Variants in ANKRD18A observed in about 807,000 individuals in gnomAD.
ANKRD18A encodes ankyrin repeat domain-containing protein 18A.
In ANKRD18A, 72 loss-of-function variants were observed where a neutral mutation model predicts 110.6. The observed-to-expected ratio is 0.65, with a 90% CI of 0.54 to 0.79. The LOEUF (loss-of-function observed/expected upper bound fraction) is 0.79, where lower values mean the gene tolerates loss of function less well. Ranked by LOEUF, ANKRD18A falls within the 30% of genes least tolerant of loss-of-function variation. The pLI, the probability that ANKRD18A is intolerant of heterozygous loss-of-function variation, is 0.00. For missense variants in ANKRD18A, 934 were observed against 1,163.3 expected (o/e 0.80, Z 2.87); for synonymous variants, 305 against 410.3 (o/e 0.74, Z 3.10).
chr9:38,578,254 T>G (rs775285796), intron 12 of ANKRD18A, 106 bp from the exon 13 acceptor site: 2 of 1,108,198 alleles, frequency 1.8e-6, no homozygotes, highest in Non-Finnish European at 2.5e-6. Flanking sequence ...TAAAATGTTA[T>G]CTATAATGTA....
Position 38,571,762 on chromosome 9 carries a change from T to C in ANKRD18A, c.*283A>G. 2 of 1,093,928 alleles carry C rather than the reference T, an allele frequency of 1.8e-6. No homozygotes were observed. The highest frequency in any genetic ancestry group is 2.2e-6 in the Non-Finnish European group (2 of 898,902). The allele number at this position is 1,093,928 out of a possible 1,614,324, so 67.8% of individuals were successfully genotyped here. A position where few individuals can be genotyped will look rare whatever the true frequency, so the allele number is the denominator to read the frequency against. On this transcript the variant is annotated 3_prime_UTR_variant, in exon 16 of 16. Transcript: ENST00000399703. ...TAGGCCAAACTCAATAACGCTGGTG[T>C]TCATTTGCAAGATCCACTTAAAACT...
chr9:38,587,007 G>T (rs1824415393), intron 11 of ANKRD18A, among the ~76,000 whole-genome samples: 1 of 151,448 alleles, frequency 6.6e-6, no homozygotes, highest in Non-Finnish European at 1.5e-5. Context: ...GTTTGAAAAA[G>T]ACACAAAAAT....
In ANKRD18A at chr9:38,595,843, T is replaced by C; in HGVS notation, c.1497A>G (p.Glu499=). The C allele has an allele frequency of 6.4e-7, 1 of 1,551,284 alleles. No homozygotes were observed. Among genetic ancestry groups the C allele is most frequent in the Non-Finnish European group, 8.7e-7 (1 of 1,146,696 alleles). Residue 499 remains glutamate (E), a synonymous_variant, in exon 9 of 16, where the codon GAA becomes GAG. Coordinates refer to ENST00000399703, the MANE Select transcript of ANKRD18A (RefSeq NM_147195.4). ...GTACACTTCCTAAAGCCAATGTCTT[T>C]TCCCTGAGAGCATCTCTTGTCTCAC... The part of the protein sequence containing the change: ...KLRETRDALR[E]KTLALGSVQL...
At chr9:38,618,022 C>T (rs962451264) in intron 1 of ANKRD18A, among the ~76,000 whole-genome samples, 6 of 151,962 alleles carry the variant, frequency 3.9e-5, no homozygotes, top group South Asian at 2.1e-4. Context: ...AACATATATA[C>T]ATAATAAAGT....
At chr9:38,571,263 C>G (rs928009762), downstream of ANKRD18A, 3 of 1,453,156 alleles carry the variant, frequency 2.1e-6, no homozygotes, top group African/African-American at 1.4e-5. Context: ...AAAGTGCTGA[C>G]AGAATAATGG....
intron 12 of ANKRD18A, among the ~76,000 whole-genome samples, chr9:38,579,063 G>A (rs2996336): frequency 0.011 from 1,709 of 152,180 alleles, 33 homozygotes; most frequent in African/African-American, 0.039. Flanking sequence ...ACTTATTTTG[G>A]AATAAGGTGC....
intron 1 of ANKRD18A, among the ~76,000 whole-genome samples, chr9:38,616,753 C>T (rs1202696065): frequency 6.6e-6 from 1 of 152,020 alleles, no homozygotes; most frequent in South Asian, 2.1e-4. Flanking sequence ...ATGCACTCAG[C>T]CAGATGTTAT....
intron 15 of ANKRD18A, chr9:38,573,235 G>T: frequency 1.9e-6 from 1 of 524,046 alleles, no homozygotes. Context: ...TTAGTGACTA[G>T]ACATAACACA....
chr9:38,571,619 A>C lies in ANKRD18A; in HGVS notation c.*426T>G. On this transcript the variant is annotated 3_prime_UTR_variant, in exon 16 of 16. Transcript: ENST00000399703. Reference sequence around the variant, plus strand: ...CTGGCAGATACTCTTTAAGTCTCCTACTACATATGGTAATAAAAACTGTAA... The same window carrying C: ...CTGGCAGATACTCTTTAAGTCTCCTCCTACATATGGTAATAAAAACTGTAA... 2.0e-6 allele frequency: 2 copies of C among 1,013,238 alleles called. No homozygotes were observed. The highest frequency in any genetic ancestry group is 2.4e-6 in the Non-Finnish European group (2 of 849,150). The allele number at this position is 1,013,238 out of a possible 1,614,324, so 62.8% of individuals were successfully genotyped here.
At chr9:38,617,945 TACA>T (rs1418315701) in intron 1 of ANKRD18A, among the ~76,000 whole-genome samples, 1 of 152,170 alleles carries the variant, frequency 6.6e-6, no homozygotes, top group Non-Finnish European at 1.5e-5. Flanking sequence ...TTGATAAGAC[TACA>T]ACTATAATGA....
chr9:38,606,373 C>A (rs1336691113), intron 6 of ANKRD18A, among the ~76,000 whole-genome samples: 1 of 152,184 alleles, frequency 6.6e-6, no homozygotes, highest in African/African-American at 2.4e-5. Context: ...GCAAAACCAA[C>A]CATTTTCTTC....
intron 8 of ANKRD18A, among the ~76,000 whole-genome samples, chr9:38,597,505 T>A (rs1824938230): frequency 6.6e-6 from 1 of 152,052 alleles, no homozygotes; most frequent in African/African-American, 2.4e-5. Context: ...CATATCTACT[T>A]GATACTGGAA....
At position 38,578,057 on chromosome 9, in the gene ANKRD18A, G is replaced by C; in HGVS notation, c.2339C>G (p.Ser780Cys). 6.4e-7 allele frequency: 1 copy of C among 1,550,656 alleles called. No individual in the cohort carries two copies. The highest frequency in any genetic ancestry group is 8.7e-7 in the Non-Finnish European group (1 of 1,146,436). ...ACATTTCTCTTGTACATTTCTCATA[G>C]ATAATAACTCCTGATGAAGAACTTC... ...DNEVLHQELL[S>C]MRNVQEKCEK... Residue 780 changes from serine (S) to cysteine (C), a missense_variant, in exon 13 of 16, where the codon TCT (serine) becomes TGT (cysteine). Physicochemically the swap from Ser to Cys is moderately radical, Grantham distance 112. Coordinates refer to ENST00000399703, the MANE Select transcript of ANKRD18A (RefSeq NM_147195.4).
intron 3 of ANKRD18A, 100 bp from the exon 4 acceptor site, chr9:38,611,421 T>G: frequency 4.7e-6 from 7 of 1,493,412 alleles, no homozygotes; most frequent in Non-Finnish European, 6.2e-6. Context: ...ACATGCAATA[T>G]AGAGAGAAAG....
intron 6 of ANKRD18A, 60 bp from the exon 7 acceptor site, chr9:38,603,272 T>C (rs1825210165): frequency 6.5e-7 from 1 of 1,547,362 alleles, no homozygotes; most frequent in Non-Finnish European, 8.7e-7. Flanking sequence ...CTCTGCCTCC[T>C]TACCTGGCAA....
intron 8 of ANKRD18A, 127 bp from the exon 9 acceptor site, chr9:38,596,530 G>A: frequency 1.2e-6 from 1 of 858,186 alleles, no homozygotes; most frequent in South Asian, 3.6e-5. Flanking sequence ...TATCCAACTG[G>A]AGAAAAAGTT....
Position 38,577,128 on chromosome 9 carries a change from G to A in ANKRD18A, c.2666C>T (p.Thr889Ile). ...KMKTAYEEVT[T>I]ELEEFKEAFA... ...GGCTTCCTTAAATTCTTCTAATTCAGTTGTAACCTCTTCATAAGCAGTTTT... is the reference window on the plus strand; with the variant it reads ...GGCTTCCTTAAATTCTTCTAATTCAATTGTAACCTCTTCATAAGCAGTTTT... The change falls in exon 14 of 16, where the codon ACT (threonine) becomes ATT (isoleucine). Residue 889 changes from threonine (T) to isoleucine (I), a missense_variant. Coordinates refer to ENST00000399703, the MANE Select transcript of ANKRD18A (RefSeq NM_147195.4). The A allele has an allele frequency of 6.5e-7, 1 of 1,549,610 alleles. No homozygotes were observed. Among genetic ancestry groups the A allele is most frequent in the East Asian group, 2.5e-5 (1 of 40,780 alleles).
chr9:38,617,305 T>C (rs1327999282), intron 1 of ANKRD18A, among the ~76,000 whole-genome samples: 3 of 152,054 alleles, frequency 2.0e-5, no homozygotes, highest in Non-Finnish European at 4.4e-5. Context: ...CTGGGTGCGG[T>C]GGCAGGCACC....
chr9:38,596,894 T>C (rs1200146427), intron 8 of ANKRD18A, among the ~76,000 whole-genome samples: 1 of 152,196 alleles, frequency 6.6e-6, no homozygotes, highest in East Asian at 1.9e-4. Context: ...CTCAACATTT[T>C]TTAGTTGTAA....
Sources: gnomAD v4.1 joint callset for allele counts (sites outside exome capture counted in the v4.1 genomes callset) on GRCh38, gnomAD v4.1.1 for gene constraint, MANE v1.5 for transcripts, NCBI Gene and HGNC (gene_info 2026-07-23, HGNC 2026-07-21) for gene names.